KLHL35: variants seen among roughly 807,000 people sequenced by gnomAD.
The protein encoded by KLHL35 is kelch like family member 35.
KLHL35 carries 50 observed loss-of-function variants against 44.0 expected under a neutral mutation model. The ratio of observed to expected loss-of-function variants is 1.14; its 90% CI spans 0.91 to 1.44. KLHL35 has a LOEUF of 1.44. Ranked by LOEUF, KLHL35 falls within the 40% of genes most tolerant of loss-of-function variation. KLHL35 has a pLI of 0.00. For missense variants in KLHL35, 1,049 were observed against 887.8 expected, an observed-to-expected ratio of 1.18 and a Z score of -2.31; for synonymous variants, 470 against 410.4, an observed-to-expected ratio of 1.15 and a Z score of -1.76.
At chr11:75,425,945 A>G (rs904244939) in intron 4 of KLHL35, 5 of 233,010 alleles carry the variant, frequency 2.1e-5, no homozygotes, top group Non-Finnish European at 3.3e-5. Context: ...TGTAGCTTAC[A>G]AAGATAATTG....
In KLHL35 at chr11:75,429,944, G is replaced by A. The variant is rs1216303084; in HGVS notation, c.686C>T (p.Pro229Leu). Residue 229 changes from proline (P) to leucine (L), a missense_variant, in exon 2 of 7, where the codon CCG becomes CTG. By Grantham distance (98) the Pro-to-Leu change is moderately conservative. Transcript: ENST00000539798. ...GCGTCGCAGCTGGCCGCGGCGGGCC[G>A]GCGCGTCGTGGCGCACCCAGCGCAT... is the stretch of plus-strand genomic sequence containing the variant. Reference protein sequence around the residue: ...AAMRWVRHDAPARRGQLRRLL... With the variant: ...AAMRWVRHDALARRGQLRRLL... 6.9e-7 allele frequency: 1 copy of A among 1,451,746 alleles called. No homozygotes were observed. Among genetic ancestry groups the A allele is most frequent in the South Asian group, 1.4e-5 (1 of 73,850 alleles). The allele number at this position is 1,451,746 out of a possible 1,614,324, so 89.9% of individuals were successfully genotyped here.
chr11:75,429,741 G>A lies in KLHL35; in HGVS notation c.881+8C>T. On this transcript the variant is annotated splice_region_variant and intron_variant, in intron 2 of 6. Transcript: ENST00000539798. ...GGAGGGCGGGAAGCTAGGGGATGGC[G>A]GCCCTACCTCCGCGGCCGGGTCCGC... 1 of 1,449,302 alleles carries A rather than the reference G, an allele frequency of 6.9e-7. No individual in the cohort carries two copies. The highest frequency in any genetic ancestry group is 9.0e-7 in the Non-Finnish European group (1 of 1,108,360). 89.8% of individuals were successfully genotyped at this position (1,449,302 alleles called of 1,614,324 possible).
At chr11:75,423,039 C>T (rs2135077243) in intron 6 of KLHL35, 2 of 476,718 alleles carry the variant, frequency 4.2e-6, no homozygotes, top group South Asian at 3.4e-5. Flanking sequence ...CACAGGGTTC[C>T]CTTAACAGTT....
intron 3 of KLHL35, among the ~76,000 whole-genome samples, chr11:75,427,160 T>TA (rs1411893325): frequency 6.6e-6 from 1 of 152,182 alleles, no homozygotes; most frequent in Non-Finnish European, 1.5e-5. Context: ...CCAGTTTACA[T>TA]ATAAGAAACT....
chr11:75,430,315 C>A lies in KLHL35; in HGVS notation c.315G>T (p.Val105=). 1 of 1,255,390 alleles carries A rather than the reference C, an allele frequency of 8.0e-7. No individual in the cohort carries two copies. The highest frequency in any genetic ancestry group is 1.0e-6 in the Non-Finnish European group (1 of 1,000,752). 77.8% of individuals were successfully genotyped at this position (1,255,390 alleles called of 1,614,324 possible). ...CCGCTCCGTACACGTAGTCGAGCAC[C>A]ACGGCCAGCGCCGCCGCCGCCCCGG... ...SPAGAAAALA[V]VLDYVYGAGV... The change falls in exon 2 of 7, where the codon GTG becomes GTT. Residue 105 remains valine (V), a synonymous_variant. Coordinates refer to ENST00000539798, the MANE Select transcript of KLHL35 (RefSeq NM_001039548.3).
intron 1 of KLHL35, among the ~76,000 whole-genome samples, chr11:75,431,924 G>A (rs1948540332): frequency 6.6e-6 from 1 of 152,198 alleles, no homozygotes; most frequent in African/African-American, 2.4e-5. Flanking sequence ...CTCACAAGCT[G>A]AGAAGTTTCT....
At position 75,430,519 on chromosome 11, in the gene KLHL35, G is replaced by T. The variant is rs1592040394; in HGVS notation, c.111C>A (p.Ser37Arg). 1.4e-6 allele frequency: 2 copies of T among 1,446,632 alleles called. No individual in the cohort carries two copies. Among genetic ancestry groups the T allele is most frequent in the East Asian group, 6.1e-5 (2 of 32,948 alleles). 89.6% of individuals were successfully genotyped at this position (1,446,632 alleles called of 1,614,324 possible). A position where few individuals can be genotyped will look rare whatever the true frequency, so the allele number is the denominator to read the frequency against. The change falls in exon 2 of 7, where the codon AGC becomes AGA. Residue 37 changes from serine (S) to arginine (R), a missense_variant. By Grantham distance (110) the Ser-to-Arg change is moderately radical. Coordinates refer to ENST00000539798, the MANE Select transcript of KLHL35 (RefSeq NM_001039548.3). ...VLQALNAYRR[S>R]GTLTDVVLRA... ...GCAGCACCACGTCGGTGAGGGTGCC[G>T]CTCCGCCGGTAGGCGTTCAGGGCCT...
chr11:75,425,221 G>A (rs929496739), intron 5 of KLHL35, among the ~76,000 whole-genome samples, 172 bp downstream of exon 5: 16 of 152,204 alleles, frequency 1.1e-4, no homozygotes, highest in Non-Finnish European at 2.2e-4. Flanking sequence ...TGTGACCTTG[G>A]GGTCATTTTT....
rs377254998 is a variant in KLHL35 at position 75,428,441 on chromosome 11, C to A, written c.1066+1G>T. 7 of 1,612,272 alleles carry A rather than the reference C, an allele frequency of 4.3e-6. No homozygotes were observed. The East Asian group carries it at 1.3e-4, about 31-fold the overall frequency. On this transcript the variant is annotated splice_donor_variant, in intron 3 of 6. Transcript: ENST00000539798. LOFTEE classifies it high-confidence loss of function. ...AGCTCCCGTTGCGGCTCCGCCCTCACCGGAGACGTAGACGTCATTGCGGAG... is the reference window on the plus strand; with the variant it reads ...AGCTCCCGTTGCGGCTCCGCCCTCAACGGAGACGTAGACGTCATTGCGGAG...
intron 6 of KLHL35, chr11:75,423,392 G>C (rs114291109): frequency 3.0e-6 from 1 of 332,420 alleles, no homozygotes; most frequent in East Asian, 5.5e-5. Flanking sequence ...AGTGGCCTTC[G>C]GGGCAGGAGA....
At chr11:75,431,985 A>G (rs181885201) in intron 1 of KLHL35, among the ~76,000 whole-genome samples, 1 of 152,216 alleles carries the variant, frequency 6.6e-6, no homozygotes, top group Non-Finnish European at 1.5e-5. Context: ...AAGCACACAC[A>G]GGACACCCGC....
Position 75,430,201 on chromosome 11 carries a change from C to T in KLHL35, c.429G>A (p.Val143=). ...LGVAGLREAC[V]RFLEGRLRAA... ...CGCGCAGGCGGCCCTCGAGAAAGCG[C>T]ACGCAGGCCTCGCGCAGGCCCGCCA... Residue 143 remains valine (V), a synonymous_variant, in exon 2 of 7, where the codon GTG becomes GTA. Transcript: ENST00000539798. 1 of 1,240,600 alleles carries T rather than the reference C, an allele frequency of 8.1e-7. No homozygotes were observed. The highest frequency in any genetic ancestry group is 3.9e-5 in the East Asian group (1 of 25,520). 76.8% of individuals were successfully genotyped at this position (1,240,600 alleles called of 1,614,324 possible). A position where few individuals can be genotyped will look rare whatever the true frequency, so the allele number is the denominator to read the frequency against.
rs1489944277 is a variant in KLHL35, at chr11:75,422,737, T to C, written c.1595A>G (p.Lys532Arg). 1.2e-6 allele frequency: 2 copies of C among 1,613,920 alleles called. No individual in the cohort carries two copies. The highest frequency in any genetic ancestry group is 4.5e-5 in the East Asian group (2 of 44,884). ...ESCGVTVCDGKVHILGGRDDR... is the reference protein window; with the variant it reads ...ESCGVTVCDGRVHILGGRDDR... ...ATCCCGCCCGCCAAGGATGTGGACC[T>C]TCCCGTCACACACAGTGACTCCACA... The change falls in exon 7 of 7, where the codon AAG becomes AGG. Residue 532 changes from lysine (K) to arginine (R), a missense_variant. Coordinates refer to ENST00000539798, the MANE Select transcript of KLHL35 (RefSeq NM_001039548.3).
intron 4 of KLHL35, 119 bp downstream of exon 4, chr11:75,426,398 TCTC>T (rs1948492626): frequency 3.3e-6 from 2 of 597,442 alleles, no homozygotes; most frequent in African/African-American, 1.9e-5. Context: ...CTTGGACAAG[TCTC>T]CTTTTTTGGG....
At chr11:75,429,678 GA>G (rs2135083934) in intron 2 of KLHL35, 70 bp downstream of exon 2, 2 of 1,380,112 alleles carry the variant, frequency 1.4e-6, no homozygotes, top group African/African-American at 3.1e-5. Flanking sequence ...AAAAGATGAT[GA>G]AAGAATGAAT....
At chr11:75,425,041 G>GT (rs56369585) in intron 5 of KLHL35, 1,559 of 204,762 alleles carry the variant, frequency 7.6e-3, no homozygotes, top group East Asian at 0.013. Flanking sequence ...GGGATTATGG[G>GT]TTTTTTTTTT....
chr11:75,432,274 C>T (rs1408292551), intron 1 of KLHL35, among the ~76,000 whole-genome samples: 1 of 152,172 alleles, frequency 6.6e-6, no homozygotes, highest in Non-Finnish European at 1.5e-5. Context: ...GCTTTCATGC[C>T]CTGGTCATCC....
Position 75,426,404 on chromosome 11 carries a change from T to TC in KLHL35, c.1185+115_1185+116insG, listed in dbSNP as rs1315532196. ...TTATGTGACCTTGGACAAGTCTCCTTTTTTGGGGGGCTTCAGACCCCTTCT... is the reference window on the plus strand; with the variant it reads ...TTATGTGACCTTGGACAAGTCTCCTTCTTTTGGGGGGCTTCAGACCCCTTCT... On this transcript the variant is annotated intron_variant, in intron 4 of 6. Transcript: ENST00000539798. 2.1e-4 allele frequency: 133 copies of TC among 627,484 alleles called. 3 individuals are homozygous for TC. The African/African-American group carries it at 2.2e-3, about 11-fold the overall frequency. 38.9% of individuals were successfully genotyped at this position (627,484 alleles called of 1,614,324 possible).
Position 75,430,047 on chromosome 11 carries a change from C to G in KLHL35, c.583G>C (p.Ala195Pro). 1 of 1,411,312 alleles carries G rather than the reference C, an allele frequency of 7.1e-7. No homozygotes were observed. Among genetic ancestry groups the G allele is most frequent in the South Asian group, 1.4e-5 (1 of 69,622 alleles). 87.4% of individuals were successfully genotyped at this position (1,411,312 alleles called of 1,614,324 possible). Residue 195 changes from alanine to proline, a missense_variant, in exon 2 of 7, where the codon GCG (alanine) becomes CCG (proline). By Grantham distance (27) the Ala-to-Pro change is conservative. Coordinates refer to ENST00000539798, the MANE Select transcript of KLHL35 (RefSeq NM_001039548.3). ...AGCAGCGCCACCACCTCGTCAGGCG[C>G]CAGCTCCAGGAAGTCGGCGTGGCGC... ...VARHADFLEL[A>P]PDEVVALLAD...
Sources: allele counts gnomAD v4.1 joint callset (sites outside exome capture counted in the v4.1 genomes callset), GRCh38; gene constraint gnomAD v4.1.1; transcripts MANE v1.5; gene names NCBI Gene and HGNC (gene_info 2026-07-23, HGNC 2026-07-21).